Variants in CDKL4 observed in about 807,000 individuals in gnomAD.
The protein encoded by CDKL4 is cyclin-dependent kinase-like 4.
In CDKL4, 44 loss-of-function variants were observed where a neutral mutation model predicts 42.0. That is an observed-to-expected ratio of 1.05 (90% confidence interval 0.82 to 1.35). CDKL4 has a LOEUF of 1.35. Among genes scored for constraint, CDKL4 ranks in the 40% most tolerant of loss-of-function variants. The pLI is 0.00. For synonymous variants in CDKL4, 120 were observed against 121.6 expected (o/e 0.99, Z 0.09); for missense variants, 393 against 369.9 (o/e 1.06, Z -0.51).
At chr2:39,228,290 T>TGAGAGGTAA (rs1198005626) in intron 2 of CDKL4, among the ~76,000 whole-genome samples, 2 of 152,174 alleles carry the variant, frequency 1.3e-5, no homozygotes, top group Non-Finnish European at 2.9e-5. Flanking sequence ...CTCTGCTGGC[T>TGAGAGGTAA]GAGAGGTAAG....
At chr2:39,204,402 G>C in intron 5 of CDKL4, 125 bp downstream of exon 5, 1 of 673,844 alleles carries the variant, frequency 1.5e-6, no homozygotes, top group Non-Finnish European at 2.6e-6. Flanking sequence ...GCTAAAGTGA[G>C]ATTTTCCTTT....
rs977942222 is a variant in CDKL4 at position 39,209,370 on chromosome 2, T to C, written c.363+4030A>G. 1.8e-4 allele frequency among the ~76,000 whole-genome samples: 28 copies of C among 152,098 alleles called. 1 individual carries two copies. The East Asian group carries it at 4.8e-3, about 26-fold the overall frequency. On this transcript the variant is annotated intron_variant, in intron 4 of 9. Transcript: ENST00000451199. The stretch of plus-strand genomic sequence containing the variant: ...ATTTTGAGATGAAGCCCCTGTTCTC[T>C]AATCAATACAGCAAATATATAAAAA...
chr2:39,241,307 G>T (rs1167101113), intron 1 of CDKL4, among the ~76,000 whole-genome samples: 1 of 152,100 alleles, frequency 6.6e-6, no homozygotes, highest in Non-Finnish European at 1.5e-5. Flanking sequence ...CATAAAAATT[G>T]AGCAAAACGT....
intron 3 of CDKL4, among the ~76,000 whole-genome samples, chr2:39,223,769 T>C (rs1360924729): frequency 6.6e-6 from 1 of 151,962 alleles, no homozygotes; most frequent in Non-Finnish European, 1.5e-5. Context: ...AGGTTAATTT[T>C]TGTAGTTTTT....
chr2:39,229,139 C>T (rs1194729958), intron 2 of CDKL4, among the ~76,000 whole-genome samples: 1 of 152,134 alleles, frequency 6.6e-6, no homozygotes, highest in Non-Finnish European at 1.5e-5. Flanking sequence ...TATTTACTAA[C>T]AAGAATAAAA....
At chr2:39,177,359 A>T (rs574439885) in intron 9 of CDKL4, among the ~76,000 whole-genome samples, 7 of 151,234 alleles carry the variant, frequency 4.6e-5, no homozygotes, top group Admixed American at 2.6e-4. Flanking sequence ...GGGGCAGCTG[A>T]CACTGTGGAC....
intron 1 of CDKL4, among the ~76,000 whole-genome samples, chr2:39,235,805 A>G (rs758509689): frequency 2.0e-5 from 3 of 152,126 alleles, no homozygotes; most frequent in Non-Finnish European, 2.9e-5. Context: ...AATTGCTATA[A>G]TATTACCTAG....
intron 3 of CDKL4, among the ~76,000 whole-genome samples, chr2:39,223,581 CTT>C (rs59461223): frequency 9.6e-5 from 8 of 83,468 alleles, no homozygotes; most frequent in Non-Finnish European, 1.4e-4. Context: ...ATTTCCTTCT[CTT>C]TTTTTTTTTT....
At chr2:39,224,373 C>T (rs936668357) in intron 3 of CDKL4, among the ~76,000 whole-genome samples, 84 of 152,054 alleles carry the variant, frequency 5.5e-4, no homozygotes, top group African/African-American at 1.9e-3. Context: ...GAAACATGTT[C>T]ATTTAAATAA....
chr2:39,172,656 A>C (rs1002059428), downstream of CDKL4, among the ~76,000 whole-genome samples: 2 of 152,130 alleles, frequency 1.3e-5, no homozygotes, highest in Non-Finnish European at 2.9e-5. Context: ...ATCTCAGCTC[A>C]CTACAATCTC....
chr2:39,201,839 G>A (rs546695967), intron 5 of CDKL4, among the ~76,000 whole-genome samples: 1 of 152,152 alleles, frequency 6.6e-6, no homozygotes, highest in African/African-American at 2.4e-5. Flanking sequence ...CAGCCGAAAG[G>A]GTCGGGCGGC....
intron 1 of CDKL4, among the ~76,000 whole-genome samples, chr2:39,235,466 G>A (rs560482816): frequency 1.3e-5 from 2 of 152,254 alleles, no homozygotes; most frequent in African/African-American, 4.8e-5. Context: ...AATCAAATGG[G>A]CAATAGGTGG....
At chr2:39,221,752 T>C (rs761865062) in intron 3 of CDKL4, among the ~76,000 whole-genome samples, 1 of 152,192 alleles carries the variant, frequency 6.6e-6, no homozygotes, top group Non-Finnish European at 1.5e-5. Context: ...TGCTTGAACA[T>C]GCCTTGCTCT....
chr2:39,222,325 C>T (rs1348087664), intron 3 of CDKL4, among the ~76,000 whole-genome samples: 1 of 152,148 alleles, frequency 6.6e-6, no homozygotes, highest in Non-Finnish European at 1.5e-5. Context: ...TGTGGGGACT[C>T]ATGCCTGTAA....
chr2:39,201,619 C>T (rs1676855139), intron 5 of CDKL4, among the ~76,000 whole-genome samples: 3 of 151,958 alleles, frequency 2.0e-5, no homozygotes, highest in Admixed American at 6.6e-5. Context: ...ATATATATAC[C>T]GCAGAATACT....
At chr2:39,184,212 A>G (rs973472492) in intron 8 of CDKL4, among the ~76,000 whole-genome samples, 1 of 152,206 alleles carries the variant, frequency 6.6e-6, no homozygotes, top group African/African-American at 2.4e-5. Context: ...AGCTTTTGGT[A>G]TACACAATGT....
intron 4 of CDKL4, 121 bp downstream of exon 4, chr2:39,213,279 T>A (rs1391098934): frequency 1.6e-6 from 1 of 629,888 alleles, no homozygotes; most frequent in African/African-American, 1.8e-5. Flanking sequence ...CTTCCTTTTG[T>A]TTTGCTTCTT....
intron 1 of CDKL4, among the ~76,000 whole-genome samples, chr2:39,231,309 A>G (rs1324952976): frequency 1.3e-5 from 2 of 152,254 alleles, no homozygotes; most frequent in African/African-American, 4.8e-5. Context: ...TGTCAAGTGA[A>G]AAAGTTGACT....
At chr2:39,198,067 C>T (rs1297088953) in intron 5 of CDKL4, among the ~76,000 whole-genome samples, 4 of 152,074 alleles carry the variant, frequency 2.6e-5, no homozygotes, top group Admixed American at 2.0e-4. Flanking sequence ...AATTCACCAA[C>T]CAAGTATCTG....
Sources: allele counts gnomAD v4.1 joint callset (sites outside exome capture counted in the v4.1 genomes callset), GRCh38; gene constraint gnomAD v4.1.1; transcripts MANE v1.5; gene names NCBI Gene and HGNC (gene_info 2026-07-23, HGNC 2026-07-21).